Variants in CCDC83 observed in about 807,000 individuals in gnomAD.
CCDC83 encodes the protein coiled-coil domain-containing protein 83.
In CCDC83, 54 loss-of-function variants were observed where a neutral mutation model predicts 50.1. That is an observed-to-expected ratio of 1.08 (90% CI 0.87 to 1.35). CCDC83 has a LOEUF of 1.35. Among genes scored for constraint, CCDC83 ranks in the 40% most tolerant of loss-of-function variants. The pLI, the probability that CCDC83 is intolerant of heterozygous loss-of-function variation, is 0.00. For synonymous variants in CCDC83, 161 were observed against 153.3 expected, an observed-to-expected ratio of 1.05 and a Z score of -0.37; for missense variants, 518 against 473.9, an observed-to-expected ratio of 1.09 and a Z score of -0.86.
At chr11:85,855,382 T>C (rs1277023578), upstream of CCDC83, 1 of 152,360 alleles carries the variant, frequency 6.6e-6, no homozygotes. Flanking sequence ...CTCCTGGTCT[T>C]GTCCACGAAG....
In CCDC83 at chr11:85,855,423, G is replaced by A. The variant is rs1466092254; in HGVS notation, c.-190G>A. On this transcript the variant is annotated 5_prime_UTR_variant, in exon 1 of 11. Coordinates refer to ENST00000342404, the MANE Select transcript of CCDC83 (RefSeq NM_001286159.2). ...TTCTTGGGCCGTTAGGAGCTGCTGG[G>A]AAGGGCTCTGATAGGCCCACTCCTC... 1 of 152,322 alleles carries A rather than the reference G, an allele frequency of 6.6e-6. No individual in the cohort carries two copies. The highest frequency in any genetic ancestry group is 1.5e-5 in the Non-Finnish European group (1 of 68,112). 9.4% of individuals were successfully genotyped at this position (152,322 alleles called of 1,614,324 possible).
chr11:85,897,664 T>C (rs1592174993), intron 6 of CCDC83, among the ~76,000 whole-genome samples: 1 of 152,186 alleles, frequency 6.6e-6, no homozygotes, highest in Non-Finnish European at 1.5e-5. Context: ...TGTTAGTGAA[T>C]CCAGCCATTA....
At chr11:85,897,030 ATTTG>A (rs1402698080) in intron 6 of CCDC83, among the ~76,000 whole-genome samples, 1 of 152,238 alleles carries the variant, frequency 6.6e-6, no homozygotes, top group Non-Finnish European at 1.5e-5. Flanking sequence ...CTGATCAGCA[ATTTG>A]TTTGCTCATG....
intron 3 of CCDC83, among the ~76,000 whole-genome samples, chr11:85,880,458 T>G (rs1213750680): frequency 2.6e-5 from 4 of 152,040 alleles, no homozygotes; most frequent in Non-Finnish European, 5.9e-5. Flanking sequence ...AAATTTTCTG[T>G]AGAGATGGGG....
At chr11:85,917,398 A>G (rs1195296807) in intron 10 of CCDC83, among the ~76,000 whole-genome samples, 1 of 152,158 alleles carries the variant, frequency 6.6e-6, no homozygotes, top group East Asian at 1.9e-4. Context: ...AGTTCCATCC[A>G]AGGGGAAGGA....
intron 3 of CCDC83, among the ~76,000 whole-genome samples, chr11:85,877,009 C>T (rs933405255): frequency 2.0e-5 from 3 of 152,120 alleles, no homozygotes; most frequent in South Asian, 2.1e-4. Context: ...ATTAGTGATA[C>T]AGCTAACTAA....
chr11:85,902,925 T>A (rs1379214661), intron 7 of CCDC83, among the ~76,000 whole-genome samples: 2 of 152,134 alleles, frequency 1.3e-5, no homozygotes, highest in African/African-American at 4.8e-5. Flanking sequence ...TTTTTATGTG[T>A]TTGATTGAAA....
intron 1 of CCDC83, among the ~76,000 whole-genome samples, chr11:85,860,879 A>T (rs2093172187): frequency 6.6e-6 from 1 of 152,244 alleles, no homozygotes; most frequent in South Asian, 2.1e-4. Flanking sequence ...AAACTAATGC[A>T]AGAACCCAAA....
chr11:85,879,335 CT>C (rs1021081573), intron 3 of CCDC83, among the ~76,000 whole-genome samples: 7 of 149,454 alleles, frequency 4.7e-5, no homozygotes, highest in Non-Finnish European at 7.4e-5. Flanking sequence ...CAAGATTCTT[CT>C]TTTTTTTTTC....
At chr11:85,900,868 C>A (rs1347036886) in intron 7 of CCDC83, among the ~76,000 whole-genome samples, 1 of 151,920 alleles carries the variant, frequency 6.6e-6, no homozygotes, top group African/African-American at 2.4e-5. Context: ...AGTTCAAGAC[C>A]AGCCTGGCCA....
Position 85,915,525 on chromosome 11 carries a change from T to C in CCDC83, c.874+27T>C, listed in dbSNP as rs77605108. On this transcript the variant is annotated intron_variant, in intron 9 of 10. Coordinates refer to ENST00000342404, the MANE Select transcript of CCDC83 (RefSeq NM_001286159.2). ...TATTACTTTATTGCAATAATGATGA[T>C]GATTTTTTTCAAACTCTTGTTTTTC... 1,884 of 1,522,198 alleles carry C rather than the reference T, an allele frequency of 1.2e-3. 27 individuals are homozygous for C. The African/African-American group carries it at 0.024, about 20-fold the overall frequency. 94.3% of individuals were successfully genotyped at this position (1,522,198 alleles called of 1,614,324 possible). A position where few individuals can be genotyped will look rare whatever the true frequency, so the allele number is the denominator to read the frequency against.
intron 3 of CCDC83, among the ~76,000 whole-genome samples, chr11:85,881,771 C>G (rs771768680): frequency 6.6e-6 from 1 of 152,156 alleles, no homozygotes; most frequent in Non-Finnish European, 1.5e-5. Flanking sequence ...TGTTTTTCTC[C>G]TATAGGTAAG....
intron 3 of CCDC83, among the ~76,000 whole-genome samples, chr11:85,881,008 T>G (rs184222787): frequency 5.3e-4 from 81 of 152,316 alleles, no homozygotes; most frequent in Non-Finnish European, 2.9e-5. Context: ...GCATTTTGAC[T>G]GCAACCTGTC....
chr11:85,903,582 C>T (rs192853505), intron 7 of CCDC83, among the ~76,000 whole-genome samples: 138 of 152,202 alleles, frequency 9.1e-4, no homozygotes, highest in Non-Finnish European at 1.8e-3. Flanking sequence ...GTATTACAGG[C>T]GTGAGCCACC....
chr11:85,857,767 G>T (rs1446239580), intron 1 of CCDC83, among the ~76,000 whole-genome samples: 2 of 152,176 alleles, frequency 1.3e-5, no homozygotes, highest in Admixed American at 6.5e-5. Flanking sequence ...CAAAGGCTGT[G>T]CCCAGGCCCT....
At position 85,916,210 on chromosome 11, in the gene CCDC83, T is replaced by C. The variant is rs1355062482; in HGVS notation, c.1057T>C (p.Tyr353His). The change falls in exon 10 of 11, where the codon TAT becomes CAT. Residue 353 changes from tyrosine (Y) to histidine (H), a missense_variant. By Grantham distance (83) the Tyr-to-His change is moderately conservative (BLOSUM62 2). Coordinates refer to ENST00000342404, the MANE Select transcript of CCDC83 (RefSeq NM_001286159.2). The stretch of plus-strand genomic sequence containing the variant: ...GGACACTGATATGAAGTACTTACTA[T>C]ATGAGGATGAGAAGGATTTCAAGGT... ...FGDTDMKYLL[Y>H]EDEKDFKDYV... The C allele has an allele frequency of 1.2e-5, 19 of 1,610,086 alleles. No individual in the cohort carries two copies. Among genetic ancestry groups the C allele is most frequent in the Non-Finnish European group, 1.4e-5 (17 of 1,178,068 alleles).
At position 85,911,415 on chromosome 11, in the gene CCDC83, A is replaced by AAT; in HGVS notation, c.794+19_794+20dup. On this transcript the variant is annotated intron_variant, in intron 8 of 10. Transcript: ENST00000342404. ...TCAAGATACCCAGGTGAAAATTGTT[A>AAT]ATATATAGAGAGTATTTTGTAAACA... The AAT allele has an allele frequency of 6.3e-7, 1 of 1,575,374 alleles. No individual in the cohort carries two copies. The highest frequency in any genetic ancestry group is 8.6e-7 in the Non-Finnish European group (1 of 1,163,770).
intron 8 of CCDC83, 25 bp from the exon 9 acceptor site, chr11:85,915,394 T>C: frequency 8.5e-6 from 13 of 1,535,966 alleles, no homozygotes; most frequent in East Asian, 2.2e-5. Flanking sequence ...GACTGACAGA[T>C]TGTTTTTCTC....
intron 10 of CCDC83, among the ~76,000 whole-genome samples, chr11:85,917,483 T>C (rs930332889): frequency 6.6e-6 from 1 of 152,190 alleles, no homozygotes; most frequent in African/African-American, 2.4e-5. Flanking sequence ...GGATATGAAT[T>C]AGGCTATCTT....
Sources: gnomAD v4.1 joint callset for allele counts (sites outside exome capture counted in the v4.1 genomes callset) on GRCh38, gnomAD v4.1.1 for gene constraint, MANE v1.5 for transcripts, NCBI Gene and HGNC (gene_info 2026-07-23, HGNC 2026-07-21) for gene names.